Variants in ADAMTS20 observed in about 807,000 individuals in gnomAD.
The protein encoded by ADAMTS20 is ADAM metallopeptidase with thrombospondin type 1 motif 20, also known as A disintegrin and metalloproteinase with thrombospondin motifs 20.
Under a neutral mutation model 260.1 loss-of-function variants are expected in ADAMTS20, and 225 were observed. That is an observed-to-expected ratio of 0.87 (90% CI 0.78 to 0.97). ADAMTS20 has a LOEUF of 0.97. Ranked by LOEUF, ADAMTS20 falls within the 50% of genes least tolerant of loss-of-function variation. The pLI is 0.00. For missense variants in ADAMTS20, 2,400 were observed against 2,337.7 expected (o/e 1.03, Z -0.55); for synonymous variants, 802 against 769.5 (o/e 1.04, Z -0.70).
At chr12:43,400,340 T>C (rs1565681028) in intron 28 of ADAMTS20, among the ~76,000 whole-genome samples, 1 of 152,018 alleles carries the variant, frequency 6.6e-6, no homozygotes, top group African/African-American at 2.4e-5. Flanking sequence ...AATATTAGAC[T>C]ATATGGCCTA....
At chr12:43,380,714 C>T (rs1344434617) in intron 31 of ADAMTS20, among the ~76,000 whole-genome samples, 1 of 152,072 alleles carries the variant, frequency 6.6e-6, no homozygotes, top group South Asian at 2.1e-4. Context: ...GATTTGCACA[C>T]TATAAGACAC....
intron 3 of ADAMTS20, among the ~76,000 whole-genome samples, chr12:43,530,546 CT>C (rs1182572967): frequency 2.0e-5 from 3 of 152,114 alleles, no homozygotes; most frequent in Non-Finnish European, 4.4e-5. Flanking sequence ...CATCAAAGGC[CT>C]ACATATCATT....
chr12:43,459,835 T>A (rs1047768262), intron 11 of ADAMTS20, among the ~76,000 whole-genome samples: 1 of 152,162 alleles, frequency 6.6e-6, no homozygotes. Context: ...GCACAAAAAA[T>A]TTAAGTAATC....
chr12:43,537,968 C>T (rs868130823), intron 2 of ADAMTS20, among the ~76,000 whole-genome samples: 15 of 152,318 alleles, frequency 9.8e-5, no homozygotes, highest in Middle Eastern at 3.4e-3. Flanking sequence ...AACACTGCTG[C>T]AACAAACAGT....
chr12:43,375,987 G>A, intron 35 of ADAMTS20, 70 bp downstream of exon 35: 4 of 1,161,850 alleles, frequency 3.4e-6, no homozygotes, highest in Non-Finnish European at 4.9e-6. Context: ...GTATCACTCT[G>A]AGGGCTAGAA....
intron 7 of ADAMTS20, among the ~76,000 whole-genome samples, chr12:43,489,579 C>A (rs573931940): frequency 6.6e-6 from 1 of 151,668 alleles, no homozygotes; most frequent in African/African-American, 2.4e-5. Context: ...AAAAAGAAAT[C>A]TGAAGATACC....
At position 43,383,630 on chromosome 12, in the gene ADAMTS20, G is replaced by A; in HGVS notation, c.4725C>T (p.Thr1575=). 1 of 1,613,762 alleles carries A rather than the reference G, an allele frequency of 6.2e-7. No homozygotes were observed. The highest frequency in any genetic ancestry group is 8.5e-7 in the Non-Finnish European group (1 of 1,179,820). The part of the protein sequence containing the change: ...QVNEIVYNSS[T]ISLTSKNCRN... ...TGCAATTCTTGGATGTAAGAGATATGGTTGAAGAATTATAGACTATTTCAT... is the reference window on the plus strand; with the variant it reads ...TGCAATTCTTGGATGTAAGAGATATAGTTGAAGAATTATAGACTATTTCAT... The change falls in exon 31 of 39, where the codon ACC becomes ACT. Residue 1575 remains threonine, a synonymous_variant. Transcript: ENST00000389420.
chr12:43,451,380 C>A (rs1941861173), intron 14 of ADAMTS20, among the ~76,000 whole-genome samples: 1 of 152,122 alleles, frequency 6.6e-6, no homozygotes, highest in Admixed American at 6.6e-5. Flanking sequence ...GTTAAATGGA[C>A]CACCTGCCTC....
intron 37 of ADAMTS20, among the ~76,000 whole-genome samples, chr12:43,360,306 G>A (rs909891885): frequency 3.3e-5 from 5 of 152,042 alleles, no homozygotes; most frequent in East Asian, 1.9e-4. Flanking sequence ...AAAATTAGCC[G>A]GGCGTGGTGG....
intron 28 of ADAMTS20, among the ~76,000 whole-genome samples, chr12:43,401,280 C>A (rs1269353589): frequency 6.6e-6 from 1 of 151,848 alleles, no homozygotes; most frequent in Non-Finnish European, 1.5e-5. Flanking sequence ...TAGACATTGT[C>A]CAGCTGTGTC....
At position 43,468,618 on chromosome 12, in the gene ADAMTS20, G is replaced by A; in HGVS notation, c.1205C>T (p.Ala402Val). 1.2e-6 allele frequency: 2 copies of A among 1,607,954 alleles called. No homozygotes were observed. Among genetic ancestry groups the A allele is most frequent in the Non-Finnish European group, 8.5e-7 (1 of 1,176,162 alleles). The change falls in exon 8 of 39, where the codon GCC (alanine) becomes GTC (valine). Residue 402 changes from alanine (A) to valine (V), a missense_variant. Coordinates refer to ENST00000389420, the MANE Select transcript of ADAMTS20 (RefSeq NM_025003.5). Reference sequence around the variant, plus strand: ...TACTTACGTGTGCCCAAGCTCATGGGCTATAGTAAAAGCAGAAATGAGTCC... The same window carrying A: ...TACTTACGTGTGCCCAAGCTCATGGACTATAGTAAAAGCAGAAATGAGTCC... Reference protein sequence around the residue: ...EKGLISAFTIAHELGHTLGVQ... With the variant: ...EKGLISAFTIVHELGHTLGVQ...
intron 3 of ADAMTS20, among the ~76,000 whole-genome samples, chr12:43,523,485 T>C (rs1031482221): frequency 4.0e-5 from 6 of 151,816 alleles, no homozygotes; most frequent in African/African-American, 9.7e-5. Flanking sequence ...GTGGAAAGAG[T>C]GCAGGAGTTG....
intron 7 of ADAMTS20, among the ~76,000 whole-genome samples, chr12:43,487,743 A>T (rs1942544815): frequency 6.6e-6 from 1 of 152,198 alleles, no homozygotes; most frequent in Non-Finnish European, 1.5e-5. Flanking sequence ...TCCACAGATG[A>T]ACAAAAGTCC....
intron 31 of ADAMTS20, among the ~76,000 whole-genome samples, chr12:43,381,474 T>C (rs1407157853): frequency 6.6e-6 from 1 of 151,838 alleles, no homozygotes; most frequent in Non-Finnish European, 1.5e-5. Flanking sequence ...ATAAATAATT[T>C]ACAACTCACC....
chr12:43,531,637 A>AG (rs1446386892), intron 3 of ADAMTS20, among the ~76,000 whole-genome samples: 1 of 152,114 alleles, frequency 6.6e-6, no homozygotes, highest in African/African-American at 2.4e-5. Flanking sequence ...CTACAGTTGC[A>AG]GGCGGGAAGG....
intron 3 of ADAMTS20, among the ~76,000 whole-genome samples, chr12:43,512,236 A>G (rs1942935305): frequency 6.7e-6 from 1 of 149,256 alleles, no homozygotes; most frequent in Admixed American, 6.7e-5. Context: ...ATAATATTTT[A>G]TTATATATAA....
intron 4 of ADAMTS20, among the ~76,000 whole-genome samples, chr12:43,501,492 C>A (rs1241369522): frequency 6.6e-6 from 1 of 151,246 alleles, no homozygotes; most frequent in Non-Finnish European, 1.5e-5. Flanking sequence ...CACACACACA[C>A]ACACACACAC....
intron 3 of ADAMTS20, among the ~76,000 whole-genome samples, chr12:43,518,817 G>GAAAAAAA (rs34834714): frequency 8.9e-6 from 1 of 111,996 alleles, no homozygotes; most frequent in African/African-American, 3.4e-5. Flanking sequence ...ACTGGCTCAG[G>GAAAAAAA]AAAAAAAAAA....
chr12:43,414,118 T>C (rs1008126677), intron 28 of ADAMTS20, among the ~76,000 whole-genome samples: 1 of 152,166 alleles, frequency 6.6e-6, no homozygotes. Context: ...GGATTTAACA[T>C]TTTTTAAAAG....
Sources: gnomAD v4.1 joint callset for allele counts (sites outside exome capture counted in the v4.1 genomes callset) on GRCh38, gnomAD v4.1.1 for gene constraint, MANE v1.5 for transcripts, NCBI Gene and HGNC (gene_info 2026-07-23, HGNC 2026-07-21) for gene names.